CHN2: variants seen among roughly 807,000 people sequenced by gnomAD.
CHN2 encodes the protein chimerin 2.
CHN2 carries 35 observed loss-of-function variants against 56.3 expected under a neutral mutation model. The ratio of observed to expected loss-of-function variants is 0.62; its 90% confidence interval spans 0.47 to 0.82. The LOEUF (loss-of-function observed/expected upper bound fraction) is 0.82, where lower values mean the gene tolerates loss of function less well. Among genes scored for constraint, CHN2 ranks in the 40% least tolerant of loss-of-function variants. The pLI, the probability that CHN2 is intolerant of heterozygous loss-of-function variation, is 0.00. For synonymous variants in CHN2, 210 were observed against 212.8 expected, an observed-to-expected ratio of 0.99 and a Z score of 0.12; for missense variants, 491 against 580.5, an observed-to-expected ratio of 0.85 and a Z score of 1.58.
intron 3 of CHN2, among the ~76,000 whole-genome samples, chr7:29,385,228 A>G (rs1800825758): frequency 1.3e-5 from 2 of 152,010 alleles, no homozygotes. Flanking sequence ...CTTTTACTCC[A>G]TTTTACTTAA....
chr7:29,480,050 G>A (rs1042825882), intron 6 of CHN2: 1 of 1,537,752 alleles, frequency 6.5e-7, no homozygotes, highest in African/African-American at 1.4e-5. Context: ...CGAAAATCCT[G>A]ACAGCACAGG....
chr7:29,326,077 CTA>C (rs1236671690), intron 1 of CHN2, among the ~76,000 whole-genome samples: 20 of 152,246 alleles, frequency 1.3e-4, no homozygotes, highest in Admixed American at 2.6e-4. Flanking sequence ...GCTGTGTGTC[CTA>C]TATGCAAGTC....
chr7:29,220,719 T>C (rs1414984378), intron 1 of CHN2, among the ~76,000 whole-genome samples: 1 of 152,186 alleles, frequency 6.6e-6, no homozygotes, highest in Non-Finnish European at 1.5e-5. Flanking sequence ...TTCTTCCAAA[T>C]GTTTATGGAA....
At chr7:29,209,930 G>A (rs1485711695) in intron 1 of CHN2, among the ~76,000 whole-genome samples, 2 of 152,128 alleles carry the variant, frequency 1.3e-5, no homozygotes, top group East Asian at 1.9e-4. Context: ...GCCAGGGTGC[G>A]TAAAGATCAC....
chr7:29,303,952 C>T (rs1020240308), intron 1 of CHN2, among the ~76,000 whole-genome samples: 1 of 151,932 alleles, frequency 6.6e-6, no homozygotes, highest in Admixed American at 6.6e-5. Context: ...CTCAGCTACT[C>T]GAGAGGCTGA....
chr7:29,264,292 C>T (rs1183199405), intron 1 of CHN2, among the ~76,000 whole-genome samples: 3 of 151,824 alleles, frequency 2.0e-5, no homozygotes, highest in East Asian at 2.0e-4. Context: ...TCTGCCCGGC[C>T]GTAACCCCGT....
intron 6 of CHN2, among the ~76,000 whole-genome samples, chr7:29,460,250 G>C (rs849935): frequency 1.2e-4 from 18 of 151,582 alleles, no homozygotes; most frequent in South Asian, 4.2e-4. Flanking sequence ...TGCCCCACCC[G>C]CCCTCAAATA....
At chr7:29,301,504 A>T (rs537567399) in intron 1 of CHN2, among the ~76,000 whole-genome samples, 1 of 152,218 alleles carries the variant, frequency 6.6e-6, no homozygotes, top group African/African-American at 2.4e-5. Flanking sequence ...GGATGATCCA[A>T]GCCCACTCAG....
intron 1 of CHN2, among the ~76,000 whole-genome samples, chr7:29,218,244 A>T (rs1785489564): frequency 7.2e-6 from 1 of 138,532 alleles, no homozygotes; most frequent in South Asian, 2.3e-4. Flanking sequence ...TCTTACCTGT[A>T]ACCATAAATA....
intron 1 of CHN2, among the ~76,000 whole-genome samples, chr7:29,328,683 A>T (rs78574094): frequency 6.6e-6 from 1 of 151,888 alleles, no homozygotes; most frequent in Non-Finnish European, 1.5e-5. Context: ...AAAAAAAAAA[A>T]AGAAACAGCA....
chr7:29,309,479 GC>G (rs1794426373), intron 1 of CHN2, among the ~76,000 whole-genome samples: 1 of 152,104 alleles, frequency 6.6e-6, no homozygotes, highest in Non-Finnish European at 1.5e-5. Flanking sequence ...ATTCACAGTG[GC>G]CCCCGGTGGT....
chr7:29,443,564 A>C (rs1273963018), intron 6 of CHN2, among the ~76,000 whole-genome samples: 2 of 152,086 alleles, frequency 1.3e-5, no homozygotes, highest in African/African-American at 4.8e-5. Context: ...CATAGGTTCT[A>C]CTCTTCTGTG....
upstream of CHN2, among the ~76,000 whole-genome samples, chr7:29,190,738 C>G (rs188541399): frequency 1.7e-3 from 263 of 152,298 alleles, 2 homozygotes; most frequent in African/African-American, 5.9e-3. Flanking sequence ...TGTTGTTACT[C>G]ATTGTCTTGT....
intron 7 of CHN2, among the ~76,000 whole-genome samples, chr7:29,491,592 A>G (rs1212391065): frequency 6.6e-6 from 1 of 152,112 alleles, no homozygotes; most frequent in East Asian, 1.9e-4. Flanking sequence ...AACTCTTTTT[A>G]GAGATGGAGT....
At chr7:29,303,384 C>G (rs897409778) in intron 1 of CHN2, among the ~76,000 whole-genome samples, 2 of 152,200 alleles carry the variant, frequency 1.3e-5, no homozygotes, top group Admixed American at 1.3e-4. Context: ...CCTGGGTTGT[C>G]TCAGTCATTG....
At position 29,412,320 on chromosome 7, in the gene CHN2, C is replaced by CTTTTT. The variant is rs1158746299; in HGVS notation, c.576+11516_576+11520dup. Reference sequence around the variant, plus strand: ...AGATTAAGGCGCTCTGCTAAAGAGTCTTTTTTTTTTTTTTTTTTTTTTTTT... The same window carrying CTTTTT: ...AGATTAAGGCGCTCTGCTAAAGAGTCTTTTTTTTTTTTTTTTTTTTTTTTTTTTTT... On this transcript the variant is annotated intron_variant, in intron 6 of 12. Coordinates refer to ENST00000222792, the MANE Select transcript of CHN2 (RefSeq NM_004067.4). 1.2e-3 allele frequency among the ~76,000 whole-genome samples: 84 copies of CTTTTT among 69,500 alleles called. 10 individuals carry two copies. Among genetic ancestry groups the CTTTTT allele is most frequent in the East Asian group, 2.6e-3 (5 of 1,942 alleles). 45.6% of individuals were successfully genotyped at this position (69,500 alleles called of 152,430 possible).
In CHN2 at chr7:29,339,240, A is replaced by G. The variant is rs1045870961; in HGVS notation, c.50-15385A>G. On this transcript the variant is annotated intron_variant, in intron 1 of 12. Transcript: ENST00000222792. Reference sequence around the variant, plus strand: ...TAAATGTAATTGTAAACAACCTTTTAAAAAGTTTGCTATACTTTTTTTTAA... The same window carrying G: ...TAAATGTAATTGTAAACAACCTTTTGAAAAGTTTGCTATACTTTTTTTTAA... Among the ~76,000 whole-genome samples the G allele has an allele frequency of 2.0e-5, 3 of 152,206 alleles. No individual in the cohort carries two copies. In the South Asian group the frequency reaches 6.2e-4, roughly 31 times the overall value.
chr7:29,406,448 C>A (rs1427535264), intron 6 of CHN2, among the ~76,000 whole-genome samples: 4 of 152,146 alleles, frequency 2.6e-5, no homozygotes, highest in African/African-American at 9.7e-5. Context: ...AGTTCCAGGC[C>A]AGGCATGCTG....
At chr7:29,319,466 G>C (rs1329474548) in intron 1 of CHN2, among the ~76,000 whole-genome samples, 2 of 152,156 alleles carry the variant, frequency 1.3e-5, no homozygotes, top group Non-Finnish European at 2.9e-5. Flanking sequence ...ACCAAAGTGT[G>C]CTTTGTATTC....
Sources: gnomAD v4.1 joint callset for allele counts (sites outside exome capture counted in the v4.1 genomes callset) on GRCh38, gnomAD v4.1.1 for gene constraint, MANE v1.5 for transcripts, NCBI Gene and HGNC (gene_info 2026-07-23, HGNC 2026-07-21) for gene names.